The following RNF8 variants were observed in gnomAD, a reference collection of about 807,000 sequenced individuals.
RNF8 encodes E3 ubiquitin-protein ligase RNF8.
Under a neutral mutation model 59.3 loss-of-function variants are expected in RNF8, and 8 were observed. The ratio of observed to expected loss-of-function variants is 0.13; its 90% CI spans 0.08 to 0.24. The LOEUF (loss-of-function observed/expected upper bound fraction) is 0.24. Ranked by LOEUF, RNF8 falls within the 10% of genes least tolerant of loss-of-function variation. RNF8 has a pLI of 1.00. For missense variants in RNF8, 406 were observed against 572.6 expected, an observed-to-expected ratio of 0.71 and a Z score of 2.97; for synonymous variants, 162 against 200.0, an observed-to-expected ratio of 0.81 and a Z score of 1.60.
In RNF8 at chr6:37,381,365, G is replaced by T; in HGVS notation, c.1441+11G>T. ...TTAGGGAACGAAAAGGTGAGTGGGT[G>T]TGAGAATTCCTACCCCTCAAGAAAG... On this transcript the variant is annotated intron_variant, in intron 7 of 7. Transcript: ENST00000373479. 2 of 1,610,534 alleles carry T rather than the reference G, an allele frequency of 1.2e-6. No individual in the cohort carries two copies.
chr6:37,371,406 G>T (rs1581680407), intron 3 of RNF8, 106 bp from the exon 4 acceptor site: 2 of 833,812 alleles, frequency 2.4e-6, no homozygotes, highest in East Asian at 5.2e-5. Flanking sequence ...CACCCCTGTT[G>T]TTTCCAGATG....
At chr6:37,370,831 C>T (rs187137382) in intron 3 of RNF8, among the ~76,000 whole-genome samples, 3 of 151,834 alleles carry the variant, frequency 2.0e-5, no homozygotes, top group African/African-American at 7.3e-5. Flanking sequence ...TTCCTGCACA[C>T]GATATAATCA....
At chr6:37,385,801 C>T (rs928611466) in intron 7 of RNF8, among the ~76,000 whole-genome samples, 5 of 151,666 alleles carry the variant, frequency 3.3e-5, no homozygotes, top group Non-Finnish European at 5.9e-5. Flanking sequence ...GTCCTAGTAT[C>T]CTTCCTTATC....
At chr6:37,382,585 G>A (rs373030874) in intron 7 of RNF8, among the ~76,000 whole-genome samples, 1 of 152,092 alleles carries the variant, frequency 6.6e-6, no homozygotes, top group Non-Finnish European at 1.5e-5. Flanking sequence ...GGACGGGGTT[G>A]GGGGGTGGAC....
At chr6:37,374,252 A>C (rs1043621238) in intron 4 of RNF8, among the ~76,000 whole-genome samples, 1 of 152,160 alleles carries the variant, frequency 6.6e-6, no homozygotes, top group African/African-American at 2.4e-5. Context: ...TCCCAGAATC[A>C]CTTGGGTGGC....
chr6:37,383,927 C>T (rs1446778850), intron 7 of RNF8, among the ~76,000 whole-genome samples: 1 of 152,132 alleles, frequency 6.6e-6, no homozygotes, highest in African/African-American at 2.4e-5. Flanking sequence ...AGCTCCTCCC[C>T]TCCCGTTTCT....
chr6:37,384,913 T>G (rs1770426919), intron 7 of RNF8, among the ~76,000 whole-genome samples: 1 of 152,190 alleles, frequency 6.6e-6, no homozygotes, highest in Non-Finnish European at 1.5e-5. Context: ...CTGCCTTGTA[T>G]AAGACAGTGT....
chr6:37,377,723 TG>T (rs1324581458), intron 6 of RNF8, among the ~76,000 whole-genome samples: 1 of 152,208 alleles, frequency 6.6e-6, no homozygotes, highest in Non-Finnish European at 1.5e-5. Flanking sequence ...TTACTCTGAA[TG>T]GGCACTATGC....
chr6:37,390,305 A>G (rs1770674611), intron 7 of RNF8, among the ~76,000 whole-genome samples: 1 of 152,208 alleles, frequency 6.6e-6, no homozygotes, highest in South Asian at 2.1e-4. Context: ...AAGCCTTGGC[A>G]ATTCTTGATA....
chr6:37,377,047 G>GTTGC lies in RNF8; in HGVS notation c.1236+16_1236+19dup. ...TACTTCATTGAGGTAATTATGAACAGTTGCTCACCCCTTCTTTTTTTTTTT... is the reference window on the plus strand; with the variant it reads ...TACTTCATTGAGGTAATTATGAACAGTTGCTTGCTCACCCCTTCTTTTTTTTTTT... On this transcript the variant is annotated intron_variant, in intron 6 of 7. Coordinates refer to ENST00000373479, the MANE Select transcript of RNF8 (RefSeq NM_003958.4). 1 of 572,474 alleles carries GTTGC rather than the reference G, an allele frequency of 1.7e-6. No homozygotes were observed. The highest frequency in any genetic ancestry group is 3.7e-5 in the East Asian group (1 of 26,676). 35.5% of individuals were successfully genotyped at this position (572,474 alleles called of 1,614,324 possible).
At chr6:37,355,651 G>A (rs1467033473) in intron 1 of RNF8, among the ~76,000 whole-genome samples, 2 of 152,172 alleles carry the variant, frequency 1.3e-5, no homozygotes, top group South Asian at 2.1e-4. Context: ...AGATTAGGGA[G>A]TGTTATAAAG....
Position 37,390,930 on chromosome 6 carries a change from C to T in RNF8, c.*172C>T, listed in dbSNP as rs1770708660. ...TCACTTGCCTTCCACGGTGGCCAGC[C>T]CTGCTGCCATCATTGGCTGAAGCAC... On this transcript the variant is annotated 3_prime_UTR_variant, in exon 8 of 8. Coordinates refer to ENST00000373479, the MANE Select transcript of RNF8 (RefSeq NM_003958.4). 1 of 1,057,628 alleles carries T rather than the reference C, an allele frequency of 9.5e-7. No homozygotes were observed. Among genetic ancestry groups the T allele is most frequent in the Non-Finnish European group, 1.5e-6 (1 of 686,448 alleles). 65.5% of individuals were successfully genotyped at this position (1,057,628 alleles called of 1,614,324 possible).
chr6:37,393,174 A>G lies in RNF8; in HGVS notation c.*2416A>G, dbSNP rs1770771792. On this transcript the variant is annotated 3_prime_UTR_variant, in exon 8 of 8. Transcript: ENST00000373479. ...ATACAACAACATTAAAAGCCAGACT[A>G]GCGGAGTTTGAATCTTGGCCCTGCT... 1.3e-5 allele frequency: 2 copies of G among 152,260 alleles called. No homozygotes were observed. The highest frequency in any genetic ancestry group is 4.1e-4 in the South Asian group (2 of 4,834). 9.4% of individuals were successfully genotyped at this position (152,260 alleles called of 1,614,324 possible).
At chr6:37,370,996 G>C (rs1769778172) in intron 3 of RNF8, among the ~76,000 whole-genome samples, 2 of 152,178 alleles carry the variant, frequency 1.3e-5, no homozygotes, top group South Asian at 4.1e-4. Flanking sequence ...TTCCACATTG[G>C]AGGGGGCTGA....
intron 3 of RNF8, among the ~76,000 whole-genome samples, chr6:37,369,430 A>T (rs950663093): frequency 4.6e-5 from 7 of 152,224 alleles, no homozygotes; most frequent in African/African-American, 1.7e-4. Context: ...CAGGAGCCAG[A>T]GTTAGAGTGC....
intron 6 of RNF8, 148 bp from the exon 7 acceptor site, chr6:37,381,002 G>A: frequency 1.4e-6 from 1 of 729,502 alleles, no homozygotes; most frequent in Non-Finnish European, 2.3e-6. Flanking sequence ...GAATGATTCT[G>A]ATACTCTTTA....
chr6:37,375,263 A>C (rs964051801), intron 5 of RNF8, among the ~76,000 whole-genome samples: 1 of 151,894 alleles, frequency 6.6e-6, no homozygotes, highest in African/African-American at 2.4e-5. Flanking sequence ...CCAGGAGGCA[A>C]CTCTTCTCTG....
At chr6:37,366,447 A>G (rs1217365372) in intron 2 of RNF8, among the ~76,000 whole-genome samples, 1 of 152,164 alleles carries the variant, frequency 6.6e-6, no homozygotes, top group Non-Finnish European at 1.5e-5. Context: ...ATCACTCCCC[A>G]TAGTTTCTCA....
At chr6:37,364,178 C>CAAAA (rs35915593) in intron 2 of RNF8, among the ~76,000 whole-genome samples, 1 of 82,248 alleles carries the variant, frequency 1.2e-5, no homozygotes, top group African/African-American at 5.0e-5. Context: ...GACTCTGTCT[C>CAAAA]AAAAAAAAAA....
Sources: gnomAD v4.1 joint callset for allele counts (sites outside exome capture counted in the v4.1 genomes callset) on GRCh38, gnomAD v4.1.1 for gene constraint, MANE v1.5 for transcripts, NCBI Gene and HGNC (gene_info 2026-07-23, HGNC 2026-07-21) for gene names.